NRG3: variants seen among roughly 807,000 people sequenced by gnomAD.
NRG3 encodes the protein neuregulin 3, also known as pro-neuregulin-3, membrane-bound isoform.
A neutral mutation model predicts 66.9 loss-of-function variants in NRG3; 31 were observed. The ratio of observed to expected loss-of-function variants is 0.46; its 90% confidence interval spans 0.35 to 0.63. NRG3 has a LOEUF of 0.63. Among genes scored for constraint, NRG3 ranks in the 20% least tolerant of loss-of-function variants. The probability of loss-of-function intolerance (pLI) is 0.00; values close to 1 mark genes in which losing one functional copy is unlikely to be tolerated. For missense variants in NRG3, 910 were observed against 878.9 expected, an observed-to-expected ratio of 1.04 and a Z score of -0.45; for synonymous variants, 393 against 359.4, an observed-to-expected ratio of 1.09 and a Z score of -1.06.
chr10:82,093,242 A>G (rs1011394583), intron 1 of NRG3, among the ~76,000 whole-genome samples: 2 of 152,334 alleles, frequency 1.3e-5, no homozygotes, highest in Non-Finnish European at 2.9e-5. Flanking sequence ...TGTGTTCCTC[A>G]TAAGTCAAAT....
chr10:82,333,072 G>T (rs1238593095), intron 1 of NRG3, among the ~76,000 whole-genome samples: 1 of 152,106 alleles, frequency 6.6e-6, no homozygotes, highest in African/African-American at 2.4e-5. Flanking sequence ...TCACAAAGAG[G>T]GTTTCAGTTT....
At chr10:82,128,436 A>G (rs2132459036) in intron 1 of NRG3, among the ~76,000 whole-genome samples, 1 of 152,118 alleles carries the variant, frequency 6.6e-6, no homozygotes, top group African/African-American at 2.4e-5. Context: ...CTTATATTAA[A>G]ACTCTTACTT....
chr10:82,128,369 G>A (rs2068591392), intron 1 of NRG3, among the ~76,000 whole-genome samples: 1 of 151,990 alleles, frequency 6.6e-6, no homozygotes, highest in Admixed American at 6.6e-5. Context: ...CTCAAATTGT[G>A]TCATGAATAT....
intron 1 of NRG3, among the ~76,000 whole-genome samples, chr10:82,094,629 T>C (rs1186822492): frequency 2.0e-5 from 3 of 152,226 alleles, no homozygotes; most frequent in African/African-American, 7.2e-5. Context: ...ATGTGATGTG[T>C]GTATATATAT....
chr10:82,698,138 A>T (rs2055544477), intron 2 of NRG3, among the ~76,000 whole-genome samples: 1 of 152,044 alleles, frequency 6.6e-6, no homozygotes, highest in Non-Finnish European at 1.5e-5. Context: ...CATGTAAATA[A>T]GGAGAACCCA....
intron 2 of NRG3, among the ~76,000 whole-genome samples, chr10:82,550,780 T>C (rs2044254930): frequency 1.3e-5 from 2 of 152,106 alleles, no homozygotes; most frequent in South Asian, 4.1e-4. Flanking sequence ...AAGGAGTATA[T>C]CTTGAAGATG....
intron 1 of NRG3, among the ~76,000 whole-genome samples, chr10:82,314,665 CCGG>C (rs756677624): frequency 5.3e-5 from 8 of 151,870 alleles, no homozygotes; most frequent in Non-Finnish European, 1.0e-4. Context: ...AAAAAATTAG[CCGG>C]GCATGGTGGC....
At chr10:82,321,518 T>C (rs1346957353) in intron 1 of NRG3, among the ~76,000 whole-genome samples, 10 of 152,162 alleles carry the variant, frequency 6.6e-5, no homozygotes, top group African/African-American at 2.2e-4. Context: ...CATCCAGAAA[T>C]GGGATGTCCT....
chr10:82,356,129 CAT>C (rs2083765028), intron 1 of NRG3, among the ~76,000 whole-genome samples: 1 of 152,104 alleles, frequency 6.6e-6, no homozygotes. Flanking sequence ...TAGATGATAA[CAT>C]GATGGAGAAA....
intron 3 of NRG3, among the ~76,000 whole-genome samples, chr10:82,774,286 C>G: frequency 6.6e-6 from 1 of 152,064 alleles, no homozygotes; most frequent in Non-Finnish European, 1.5e-5. Context: ...GTAATTCTAG[C>G]CTTGTAAGAT....
chr10:82,461,714 C>CTTTATGTGTAG (rs145211879), intron 2 of NRG3, among the ~76,000 whole-genome samples: 1 of 151,696 alleles, frequency 6.6e-6, no homozygotes, highest in African/African-American at 2.4e-5. Context: ...TGGCACAGTG[C>CTTTATGTGTAG]TTGATACTTG....
At chr10:82,280,563 A>G (rs756806034) in intron 1 of NRG3, among the ~76,000 whole-genome samples, 21 of 152,194 alleles carry the variant, frequency 1.4e-4, no homozygotes, top group Non-Finnish European at 5.9e-5. Flanking sequence ...CACACTCTCC[A>G]GAAAGTTTTA....
At chr10:82,631,163 A>G (rs1252340707) in intron 2 of NRG3, among the ~76,000 whole-genome samples, 1 of 152,176 alleles carries the variant, frequency 6.6e-6, no homozygotes, top group Non-Finnish European at 1.5e-5. Context: ...CTTTACAGAA[A>G]GCTGCTAATT....
intron 3 of NRG3, among the ~76,000 whole-genome samples, chr10:82,739,141 C>T (rs2058296847): frequency 6.6e-6 from 1 of 152,130 alleles, no homozygotes; most frequent in Non-Finnish European, 1.5e-5. Context: ...CCATTTTTGG[C>T]AACACTATTT....
At chr10:82,965,525 C>T (rs1380989961) in intron 6 of NRG3, among the ~76,000 whole-genome samples, 2 of 152,118 alleles carry the variant, frequency 1.3e-5, no homozygotes, top group Non-Finnish European at 2.9e-5. Context: ...CACTTGAAGT[C>T]AAGAGTTTGA....
At chr10:82,304,885 C>A (rs2080624260) in intron 1 of NRG3, among the ~76,000 whole-genome samples, 1 of 151,316 alleles carries the variant, frequency 6.6e-6, no homozygotes, top group Admixed American at 6.6e-5. Flanking sequence ...GGGATTATAC[C>A]AAGAATCTTG....
intron 3 of NRG3, among the ~76,000 whole-genome samples, chr10:82,847,355 G>T (rs1001743122): frequency 6.6e-6 from 1 of 152,170 alleles, no homozygotes; most frequent in African/African-American, 2.4e-5. Context: ...TGGTACAGTG[G>T]CGAGTAGATA....
intron 4 of NRG3, among the ~76,000 whole-genome samples, chr10:82,867,267 G>A (rs1043417361): frequency 6.6e-6 from 1 of 152,042 alleles, no homozygotes; most frequent in Admixed American, 6.6e-5. Flanking sequence ...TATTACGTAG[G>A]TTTCTTTGTT....
At chr10:82,900,074 G>T (rs1844060448) in intron 4 of NRG3, among the ~76,000 whole-genome samples, 1 of 152,168 alleles carries the variant, frequency 6.6e-6, no homozygotes, top group African/African-American at 2.4e-5. Context: ...CAAAGGGGCA[G>T]CAGGCATCTC....
Sources: allele counts gnomAD v4.1 joint callset (sites outside exome capture counted in the v4.1 genomes callset), GRCh38; gene constraint gnomAD v4.1.1; transcripts MANE v1.5; gene names NCBI Gene and HGNC (gene_info 2026-07-23, HGNC 2026-07-21).